PDE4D: variants seen among roughly 807,000 people sequenced by gnomAD.
PDE4D encodes 3',5'-cyclic-AMP phosphodiesterase 4D.
PDE4D carries 24 observed loss-of-function variants against 87.4 expected under a neutral mutation model. The ratio of observed to expected loss-of-function variants is 0.27; its 90% CI spans 0.20 to 0.39. The LOEUF is 0.39. Ranked by LOEUF, PDE4D falls within the 10% of genes least tolerant of loss-of-function variation. The pLI is 1.00. For missense variants in PDE4D, 714 were observed against 1,041.0 expected (o/e 0.69, Z 4.32); for synonymous variants, 384 against 383.2 (o/e 1.00, Z -0.02).
intron 1 of PDE4D, among the ~76,000 whole-genome samples, chr5:59,868,574 A>T (rs1290745661): frequency 6.6e-6 from 1 of 152,172 alleles, no homozygotes; most frequent in Non-Finnish European, 1.5e-5. Context: ...TTGCAACTGA[A>T]TTGCCATTAG....
intron 1 of PDE4D, among the ~76,000 whole-genome samples, chr5:60,276,532 A>T (rs530365368): frequency 6.6e-6 from 1 of 152,178 alleles, no homozygotes; most frequent in Non-Finnish European, 1.5e-5. Context: ...TTTAGCATTC[A>T]CAGACAGCCA....
chr5:60,421,457 G>T (rs943514188), intron 1 of PDE4D, among the ~76,000 whole-genome samples: 22 of 152,208 alleles, frequency 1.4e-4, no homozygotes, highest in African/African-American at 5.1e-4. Flanking sequence ...GGACCTGACT[G>T]TTAGGAGGAA....
rs749366994 is a variant in PDE4D, at chr5:58,974,409, T to C, written c.*255A>G. 5.9e-5 allele frequency: 19 copies of C among 319,760 alleles called. No homozygotes were observed. In the South Asian group the frequency reaches 1.3e-3, roughly 23 times the overall value. 19.8% of individuals were successfully genotyped at this position (319,760 alleles called of 1,614,324 possible). On this transcript the variant is annotated 3_prime_UTR_variant, in exon 15 of 15. Coordinates refer to ENST00000340635, the MANE Select transcript of PDE4D (RefSeq NM_001104631.2). ...ATAATTTGGAGTAGATTTTATCTGC[T>C]TTGTCAGCTCTACCAAGCTGAAATC...
intron 5 of PDE4D, among the ~76,000 whole-genome samples, chr5:59,057,011 C>A (rs1299656102): frequency 1.3e-5 from 2 of 152,140 alleles, no homozygotes; most frequent in African/African-American, 4.8e-5. Flanking sequence ...GCCCTGTGGA[C>A]CCAGGATCCT....
chr5:59,721,781 A>G (rs1172602348), intron 1 of PDE4D, among the ~76,000 whole-genome samples: 1 of 152,196 alleles, frequency 6.6e-6, no homozygotes, highest in East Asian at 1.9e-4. Flanking sequence ...AAGCAATCCA[A>G]ATTATTCTAA....
chr5:59,241,070 A>G (rs1420659808), intron 1 of PDE4D, among the ~76,000 whole-genome samples: 2 of 152,204 alleles, frequency 1.3e-5, no homozygotes, highest in East Asian at 3.9e-4. Context: ...AATGCTTTGT[A>G]CATTTTTGTT....
At position 59,971,858 on chromosome 5, in the gene PDE4D, T is replaced by C. The variant is rs77085861; in HGVS notation, c.272+16630A>G. 8.5e-5 allele frequency among the ~76,000 whole-genome samples: 13 copies of C among 152,298 alleles called. No individual in the cohort carries two copies. The East Asian group carries it at 2.5e-3, about 29-fold the overall frequency. ...GGCTGTGATTTGCAAACAATAGAAA[T>C]GATGGATTGACATAAGCAGGAAAAG... On this transcript the variant is annotated intron_variant, in intron 3 of 16. Coordinates refer to the PDE4D transcript ENST00000502484.
At chr5:59,808,916 G>A (rs1343487579) in intron 1 of PDE4D, among the ~76,000 whole-genome samples, 2 of 152,140 alleles carry the variant, frequency 1.3e-5, no homozygotes, top group African/African-American at 4.8e-5. Flanking sequence ...TTTAAGTGGA[G>A]GCTGAAAGGC....
At chr5:60,123,382 G>A (rs1268110055) in intron 2 of PDE4D, among the ~76,000 whole-genome samples, 1 of 152,102 alleles carries the variant, frequency 6.6e-6, no homozygotes, top group East Asian at 1.9e-4. Flanking sequence ...CACATGGCTG[G>A]GAAGGCCTCA....
intron 1 of PDE4D, among the ~76,000 whole-genome samples, chr5:59,300,687 C>G (rs903314777): frequency 6.6e-6 from 1 of 152,058 alleles, no homozygotes; most frequent in African/African-American, 2.4e-5. Flanking sequence ...GGTTTCCCCC[C>G]CACACCAAGC....
chr5:59,785,751 TA>T (rs1455421329), intron 1 of PDE4D, among the ~76,000 whole-genome samples: 1 of 152,224 alleles, frequency 6.6e-6, no homozygotes, highest in African/African-American at 2.4e-5. Context: ...GAAGGTTTTG[TA>T]AACTGATATC....
intron 1 of PDE4D, among the ~76,000 whole-genome samples, chr5:59,874,200 C>G (rs1748223231): frequency 6.6e-6 from 1 of 152,158 alleles, no homozygotes; most frequent in Admixed American, 6.5e-5. Context: ...GAGACCTCAT[C>G]TCTGAAGAAA....
At chr5:60,360,612 A>T (rs1215866129) in intron 1 of PDE4D, among the ~76,000 whole-genome samples, 1 of 152,212 alleles carries the variant, frequency 6.6e-6, no homozygotes, top group Non-Finnish European at 1.5e-5. Flanking sequence ...AGCACCAGAG[A>T]GTAGAATATA....
chr5:60,457,402 G>C (rs953329941), intron 1 of PDE4D, among the ~76,000 whole-genome samples: 2 of 152,156 alleles, frequency 1.3e-5, no homozygotes, highest in Admixed American at 6.5e-5. Flanking sequence ...GAAGAATTTA[G>C]ACACATTTCC....
At chr5:59,767,361 A>G (rs1762930807) in intron 1 of PDE4D, among the ~76,000 whole-genome samples, 2 of 152,028 alleles carry the variant, frequency 1.3e-5, no homozygotes, top group Admixed American at 6.6e-5. Context: ...TGTAACATAG[A>G]CCCTAGTACT....
intron 1 of PDE4D, among the ~76,000 whole-genome samples, chr5:59,412,763 G>C (rs1214354120): frequency 6.6e-6 from 1 of 152,152 alleles, no homozygotes; most frequent in Non-Finnish European, 1.5e-5. Context: ...AGTTATTCTG[G>C]TCCTTCACCA....
chr5:58,976,801 T>C lies in PDE4D; in HGVS notation c.1708-329A>G, dbSNP rs1206376034. Reference sequence around the variant, plus strand: ...AGATTTTCCTGTGTCTCATAATCACTGAATAAGATGCATAGAAAAAAGAGT... The same window carrying C: ...AGATTTTCCTGTGTCTCATAATCACCGAATAAGATGCATAGAAAAAAGAGT... On this transcript the variant is annotated intron_variant, in intron 12 of 14. Transcript: ENST00000340635. Among the ~76,000 whole-genome samples the C allele has an allele frequency of 2.6e-5, 4 of 152,178 alleles. No individual in the cohort carries two copies. The South Asian group carries it at 8.3e-4, about 31-fold the overall frequency.
At chr5:59,806,448 T>C (rs2963824) in intron 1 of PDE4D, among the ~76,000 whole-genome samples, 102,005 of 152,114 alleles carry the variant, frequency 0.67, 35,474 homozygotes, top group African/African-American at 0.85. Flanking sequence ...AACAATGTTG[T>C]TTTTAGACAA....
At chr5:59,442,373 C>A (rs1297978245) in intron 1 of PDE4D, among the ~76,000 whole-genome samples, 2 of 152,130 alleles carry the variant, frequency 1.3e-5, no homozygotes, top group Non-Finnish European at 2.9e-5. Flanking sequence ...AAACTAGGGA[C>A]AAATCAGCAA....
Sources: gnomAD v4.1 joint callset for allele counts (sites outside exome capture counted in the v4.1 genomes callset) on GRCh38, gnomAD v4.1.1 for gene constraint, MANE v1.5 for transcripts, NCBI Gene and HGNC (gene_info 2026-07-23, HGNC 2026-07-21) for gene names.